Variants in DLG2 observed in about 807,000 individuals in gnomAD.
The protein encoded by DLG2 is discs large MAGUK scaffold protein 2.
A neutral mutation model predicts 132.5 loss-of-function variants in DLG2; 45 were observed. The observed-to-expected ratio is 0.34, with a 90% CI of 0.27 to 0.44. The LOEUF is 0.44. Among genes scored for constraint, DLG2 ranks in the 20% least tolerant of loss-of-function variants. DLG2 has a pLI of 1.00. For missense variants in DLG2, 1,045 were observed against 1,196.9 expected (o/e 0.87, Z 1.87); for synonymous variants, 424 against 419.6 (o/e 1.01, Z -0.13).
chr11:84,166,820 G>C (rs2095677043), intron 8 of DLG2: 1 of 458,118 alleles, frequency 2.2e-6, no homozygotes, highest in Non-Finnish European at 4.5e-6. Context: ...ATTGTTGTTT[G>C]AACTTGCCTT....
rs551671226 is a variant in DLG2, at chr11:83,603,316, TCTAA to T, written c.1940+29891_1940+29894del. 7.9e-5 allele frequency among the ~76,000 whole-genome samples: 12 copies of T among 152,302 alleles called. No homozygotes were observed. The South Asian group carries it at 1.7e-3, about 21-fold the overall frequency. ...CTCCTGAAATTAGGGTAAATCATCCTCTAACTATCTTTCTTTTTTTGGCCCATCC... is the reference window on the plus strand; with the variant it reads ...CTCCTGAAATTAGGGTAAATCATCCTCTATCTTTCTTTTTTTGGCCCATCC... On this transcript the variant is annotated intron_variant, in intron 19 of 27. Coordinates refer to ENST00000376104, the MANE Select transcript of DLG2 (RefSeq NM_001142699.3).
At chr11:83,535,658 T>TA (rs200336795) in intron 20 of DLG2, among the ~76,000 whole-genome samples, 7,519 of 144,530 alleles carry the variant, frequency 0.052, 207 homozygotes, top group Middle Eastern at 0.087. Flanking sequence ...ATAGAGAAAG[T>TA]AAAAAAAAAA....
intron 21 of DLG2, among the ~76,000 whole-genome samples, chr11:83,485,371 T>C (rs1389195380): frequency 6.6e-6 from 1 of 152,120 alleles, no homozygotes; most frequent in Non-Finnish European, 1.5e-5. Context: ...ATTTTATAAG[T>C]TATTGGCCAT....
intron 6 of DLG2, among the ~76,000 whole-genome samples, chr11:84,940,576 C>T (rs935972873): frequency 6.6e-6 from 1 of 152,152 alleles, no homozygotes; most frequent in Non-Finnish European, 1.5e-5. Context: ...TGAATTCTTA[C>T]ATTTCTTTCC....
At chr11:84,533,172 T>C (rs1401151489) in intron 7 of DLG2, among the ~76,000 whole-genome samples, 1 of 152,240 alleles carries the variant, frequency 6.6e-6, no homozygotes, top group Admixed American at 6.5e-5. Context: ...TAGCTATAAA[T>C]GTCAGGAGCT....
chr11:84,476,046 CT>C (rs1212055016), intron 7 of DLG2, among the ~76,000 whole-genome samples: 1 of 152,080 alleles, frequency 6.6e-6, no homozygotes, highest in Non-Finnish European at 1.5e-5. Context: ...TTTATGCACC[CT>C]GTACTTCAAA....
chr11:85,439,133 G>T (rs1241724578), intron 3 of DLG2, among the ~76,000 whole-genome samples: 1 of 152,072 alleles, frequency 6.6e-6, no homozygotes, highest in African/African-American at 2.4e-5. Context: ...AAAATAAACT[G>T]CTGTGAACAT....
chr11:84,652,241 G>A (rs1204771104), intron 6 of DLG2, among the ~76,000 whole-genome samples: 1 of 152,108 alleles, frequency 6.6e-6, no homozygotes, highest in Non-Finnish European at 1.5e-5. Flanking sequence ...GTGTGTGCCT[G>A]TTTGTGTGTG....
chr11:84,203,009 TTGG>T (rs2096616572), intron 8 of DLG2, among the ~76,000 whole-genome samples: 1 of 152,212 alleles, frequency 6.6e-6, no homozygotes, highest in Non-Finnish European at 1.5e-5. Context: ...TTTTACACTG[TTGG>T]TGGGAGTGTA....
At chr11:83,920,026 G>A (rs1357639899) in intron 15 of DLG2, among the ~76,000 whole-genome samples, 2 of 152,160 alleles carry the variant, frequency 1.3e-5, no homozygotes, top group African/African-American at 2.4e-5. Context: ...CTGAAATCTA[G>A]TCTGAATGCT....
intron 6 of DLG2, among the ~76,000 whole-genome samples, chr11:85,102,691 A>G (rs1594209656): frequency 6.6e-6 from 1 of 152,134 alleles, no homozygotes; most frequent in African/African-American, 2.4e-5. Context: ...TTCAGTGATG[A>G]AAGACTGAAT....
chr11:85,436,575 A>G (rs1349868299), intron 3 of DLG2, among the ~76,000 whole-genome samples: 1 of 152,258 alleles, frequency 6.6e-6, no homozygotes, highest in Non-Finnish European at 1.5e-5. Context: ...ATCATTGATC[A>G]TTAGAGAAAT....
intron 12 of DLG2, among the ~76,000 whole-genome samples, chr11:83,973,268 C>T (rs2091659449): frequency 6.6e-6 from 1 of 151,814 alleles, no homozygotes; most frequent in Non-Finnish European, 1.5e-5. Context: ...AAAATGACAG[C>T]AACATGATAC....
chr11:84,642,064 G>A (rs566738322), intron 6 of DLG2, among the ~76,000 whole-genome samples: 15 of 120,634 alleles, frequency 1.2e-4, no homozygotes, highest in African/African-American at 3.1e-4. Context: ...ATATACGCAC[G>A]CGTGTGTGTG....
At chr11:83,638,278 T>A (rs1333043243) in intron 18 of DLG2, among the ~76,000 whole-genome samples, 1 of 152,138 alleles carries the variant, frequency 6.6e-6, no homozygotes, top group African/African-American at 2.4e-5. Flanking sequence ...ACAAGATGGA[T>A]GATAATAGTA....
At chr11:84,137,246 A>T (rs2154229952) in intron 9 of DLG2, among the ~76,000 whole-genome samples, 1 of 152,254 alleles carries the variant, frequency 6.6e-6, no homozygotes, top group East Asian at 1.9e-4. Flanking sequence ...TGCAGCTTTG[A>T]CATGCCTCAT....
intron 8 of DLG2, among the ~76,000 whole-genome samples, chr11:84,249,325 A>G (rs2097342515): frequency 6.6e-6 from 1 of 152,184 alleles, no homozygotes; most frequent in South Asian, 2.1e-4. Flanking sequence ...TCTCATCCAA[A>G]TCTGCATGTA....
chr11:85,338,893 A>C (rs2082303182), intron 3 of DLG2, among the ~76,000 whole-genome samples: 1 of 151,904 alleles, frequency 6.6e-6, no homozygotes, highest in East Asian at 1.9e-4. Context: ...TTTAGTAGAG[A>C]CGGGGTTTCA....
At chr11:84,769,307 G>C (rs778253187) in intron 6 of DLG2, among the ~76,000 whole-genome samples, 8 of 151,956 alleles carry the variant, frequency 5.3e-5, no homozygotes, top group Non-Finnish European at 1.2e-4. Flanking sequence ...AGTTCTTCTG[G>C]AATTAAAAAA....
Sources: allele counts gnomAD v4.1 joint callset (sites outside exome capture counted in the v4.1 genomes callset), GRCh38; gene constraint gnomAD v4.1.1; transcripts MANE v1.5; gene names NCBI Gene and HGNC (gene_info 2026-07-23, HGNC 2026-07-21).